LGALS12: variants seen among roughly 807,000 people sequenced by gnomAD.
LGALS12 encodes the protein galectin-12.
Under a neutral mutation model 36.8 loss-of-function variants are expected in LGALS12, and 36 were observed. The observed-to-expected ratio is 0.98, with a 90% CI of 0.75 to 1.29. The LOEUF (loss-of-function observed/expected upper bound fraction) is 1.29, where lower values mean the gene tolerates loss of function less well. Among genes scored for constraint, LGALS12 ranks in the 50% most tolerant of loss-of-function variants. The pLI is 0.00. For synonymous variants in LGALS12, 145 were observed against 155.9 expected, an observed-to-expected ratio of 0.93 and a Z score of 0.52; for missense variants, 366 against 394.3, an observed-to-expected ratio of 0.93 and a Z score of 0.61.
rs1590644403 is a variant in LGALS12 at position 63,508,959 on chromosome 11, A to G, written c.340A>G (p.Ile114Val). 1 of 1,614,148 alleles carries G rather than the reference A, an allele frequency of 6.2e-7. No individual in the cohort carries two copies. Among genetic ancestry groups the G allele is most frequent in the East Asian group, 2.2e-5 (1 of 44,888 alleles). ...CCTGCGAAGAGGCTCCAGCTTCCTC[A>G]TCCTCTTTCTCTTCGGGAATGAGGA... ...LALRRGSSFL[I>V]LFLFGNEEVK... is the part of the protein sequence containing the mutation. Residue 114 changes from isoleucine (I) to valine (V), a missense_variant, in exon 3 of 9, where the codon ATC (isoleucine) becomes GTC (valine). Physicochemically the swap from Ile to Val is conservative, Grantham distance 29 (BLOSUM62 3). Coordinates refer to ENST00000394618, the MANE Select transcript of LGALS12 (RefSeq NM_033101.4).
chr11:63,509,458 G>A (rs964816387), intron 3 of LGALS12, among the ~76,000 whole-genome samples: 6 of 152,158 alleles, frequency 3.9e-5, no homozygotes, highest in African/African-American at 9.7e-5. Flanking sequence ...GGCAGCTGGC[G>A]GGAGGGTAGC....
chr11:63,508,104 C>G, intron 1 of LGALS12: 1 of 1,023,224 alleles, frequency 9.8e-7, no homozygotes. Flanking sequence ...CTCCAGGGGT[C>G]CATTTCAGAG....
chr11:63,508,697 G>A (rs889465597), intron 2 of LGALS12, 56 bp downstream of exon 2: 10 of 1,613,358 alleles, frequency 6.2e-6, no homozygotes, highest in African/African-American at 5.3e-5. Context: ...GAGGCATCGA[G>A]CTGGAGGGCT....
chr11:63,511,144 C>A, intron 6 of LGALS12, 39 bp downstream of exon 6: 1 of 1,600,020 alleles, frequency 6.2e-7, no homozygotes, highest in South Asian at 1.1e-5. Context: ...GGGCTGGGGG[C>A]GCAGCCTGGG....
At chr11:63,509,318 C>A (rs2016845195) in intron 3 of LGALS12, among the ~76,000 whole-genome samples, 1 of 152,228 alleles carries the variant, frequency 6.6e-6, no homozygotes, top group Admixed American at 6.5e-5. Flanking sequence ...AGGTAGGTAC[C>A]TTCATTATCC....
rs1382294983 is a variant in LGALS12, at chr11:63,511,066, C to G, written c.532-13C>G. ...CCACATGGCCTTGTGTCCTCTCTTTCTTTCCCTGACAGCCTTTCCTGCTGA... is the reference window on the plus strand; with the variant it reads ...CCACATGGCCTTGTGTCCTCTCTTTGTTTCCCTGACAGCCTTTCCTGCTGA... On this transcript the variant is annotated splice_polypyrimidine_tract_variant and intron_variant, in intron 5 of 8. Transcript: ENST00000394618. 3 of 1,613,552 alleles carry G rather than the reference C, an allele frequency of 1.9e-6. No individual in the cohort carries two copies. The highest frequency in any genetic ancestry group is 2.5e-6 in the Non-Finnish European group (3 of 1,179,688).
At chr11:63,511,601 G>A in intron 6 of LGALS12, 151 bp from the exon 7 acceptor site, 1 of 625,548 alleles carries the variant, frequency 1.6e-6, no homozygotes, top group Non-Finnish European at 2.9e-6. Flanking sequence ...CAGAGTACAG[G>A]AGGCCAGGTG....
chr11:63,507,617 T>C (rs2016778520), intron 1 of LGALS12, among the ~76,000 whole-genome samples: 1 of 113,776 alleles, frequency 8.8e-6, no homozygotes, highest in South Asian at 3.0e-4. Context: ...GGAACCCAAG[T>C]GGATGATGCT....
rs186625481 is a variant in LGALS12 at position 63,507,964 on chromosome 11, C to T, written c.70-589C>T. The T allele has an allele frequency of 6.8e-4, 628 of 928,386 alleles. 3 individuals carry two copies. The African/African-American group carries it at 0.01, about 15-fold the overall frequency. The allele number at this position is 928,386 out of a possible 1,614,324, so 57.5% of individuals were successfully genotyped here. The stretch of plus-strand genomic sequence containing the variant: ...TGTTGGCCAAGCTGGTCTCGAACTC[C>T]TGACCTCAAGTTGATCCACCCGCCT... On this transcript the variant is annotated intron_variant, in intron 1 of 8. Transcript: ENST00000394618.
chr11:63,509,778 G>C lies in LGALS12; in HGVS notation c.373G>C (p.Val125Leu), dbSNP rs764199285. ...LFLFGNEEVKVSVNGQHFLHF... is the reference protein window; with the variant it reads ...LFLFGNEEVKLSVNGQHFLHF... Reference sequence around the variant, plus strand: ...AGCCAGCCTCTGTCTGTCTCTCCAGGTGAGTGTGAATGGACAGCACTTTCT... The same window carrying C: ...AGCCAGCCTCTGTCTGTCTCTCCAGCTGAGTGTGAATGGACAGCACTTTCT... Residue 125 changes from valine (V) to leucine (L), a missense_variant and splice_region_variant, in exon 4 of 9, where the codon GTG (valine) becomes CTG (leucine). Transcript: ENST00000394618. 6.2e-7 allele frequency: 1 copy of C among 1,614,102 alleles called. No individual in the cohort carries two copies. The highest frequency in any genetic ancestry group is 8.5e-7 in the Non-Finnish European group (1 of 1,179,960).
Position 63,516,352 on chromosome 11 carries a change from CG to C in LGALS12, c.906del (p.Ile303SerfsTer43). The C allele has an allele frequency of 6.2e-7, 1 of 1,613,862 alleles. No homozygotes were observed. The highest frequency in any genetic ancestry group is 8.5e-7 in the Non-Finnish European group (1 of 1,179,954). On this transcript the variant is annotated frameshift_variant, in exon 9 of 9. Transcript: ENST00000394618. LOFTEE classifies it high-confidence loss of function. ...QQALEQLREL[R>X]ISGSVQLYCV... ...GGCCCTGGAGCAGCTGCGGGAGCTC[CG>C]GATCAGTGGAAGTGTCCAGCTCTAC...
intron 6 of LGALS12, among the ~76,000 whole-genome samples, 171 bp downstream of exon 6, chr11:63,511,276 C>T (rs2016912440): frequency 6.6e-6 from 1 of 152,196 alleles, no homozygotes; most frequent in South Asian, 2.1e-4. Context: ...CGCATGATTT[C>T]CCCTTCCTTT....
chr11:63,515,448 C>G lies in LGALS12; in HGVS notation c.648-115C>G. 3.3e-6 allele frequency: 4 copies of G among 1,217,930 alleles called. No homozygotes were observed. In the East Asian group the frequency reaches 9.5e-5, roughly 29 times the overall value. The allele number at this position is 1,217,930 out of a possible 1,614,324, so 75.4% of individuals were successfully genotyped here. A position where few individuals can be genotyped will look rare whatever the true frequency, so the allele number is the denominator to read the frequency against. Reference sequence around the variant, plus strand: ...GGCCCTCAGTGCTTGTTTCTGGAGGCTGAAGCAGCTCAACCTTCCATCCAC... The same window carrying G: ...GGCCCTCAGTGCTTGTTTCTGGAGGGTGAAGCAGCTCAACCTTCCATCCAC... On this transcript the variant is annotated intron_variant, in intron 7 of 8. Transcript: ENST00000394618.
chr11:63,514,435 C>T (rs928737457), intron 7 of LGALS12, among the ~76,000 whole-genome samples: 11 of 152,010 alleles, frequency 7.2e-5, no homozygotes, highest in Non-Finnish European at 1.0e-4. Context: ...CTGGGCGGTG[C>T]GGGCATGCGC....
At chr11:63,512,941 AC>A (rs1437178776) in intron 7 of LGALS12, among the ~76,000 whole-genome samples, 1 of 151,480 alleles carries the variant, frequency 6.6e-6, no homozygotes, top group East Asian at 1.9e-4. Context: ...TAAGGAAAGC[AC>A]CCTATGTTCT....
rs147375938 is a variant in LGALS12, at chr11:63,515,612, A to C, written c.697A>C (p.Arg233=). The stretch of plus-strand genomic sequence containing the variant: ...GGCTGCCCATGCTCCTGTGACACTC[A>C]GGGCCTCCTTCGCAGACAGAACTCT... The part of the protein sequence containing the change: ...DQAAHAPVTL[R]ASFADRTLAW... Residue 233 remains arginine (R), a synonymous_variant, in exon 8 of 9, where the codon AGG becomes CGG. Transcript: ENST00000394618. 84 of 1,614,116 alleles carry C rather than the reference A, an allele frequency of 5.2e-5. No individual in the cohort carries two copies. The highest frequency in any genetic ancestry group is 6.9e-5 in the Non-Finnish European group (82 of 1,180,040).
chr11:63,506,660 G>A, intron 1 of LGALS12, 133 bp downstream of exon 1: 2 of 1,178,860 alleles, frequency 1.7e-6, no homozygotes, highest in East Asian at 2.3e-5. Context: ...CCTGGGTTCT[G>A]GAAGGCCCTC....
Position 63,516,359 on chromosome 11 carries a change from G to A in LGALS12, c.911G>A (p.Ser304Asn). ...GAGCAGCTGCGGGAGCTCCGGATCA[G>A]TGGAAGTGTCCAGCTCTACTGTGTC... The part of the protein sequence containing the change: ...ALEQLRELRI[S>N]GSVQLYCVHS Residue 304 changes from serine to asparagine, a missense_variant, in exon 9 of 9, where the codon AGT becomes AAT. Transcript: ENST00000394618. 6.2e-7 allele frequency: 1 copy of A among 1,613,992 alleles called. No homozygotes were observed. The highest frequency in any genetic ancestry group is 8.5e-7 in the Non-Finnish European group (1 of 1,180,008).
chr11:63,511,420 G>A (rs1289778340), intron 6 of LGALS12, among the ~76,000 whole-genome samples: 1 of 152,198 alleles, frequency 6.6e-6, no homozygotes, highest in Non-Finnish European at 1.5e-5. Flanking sequence ...CAGGCTCTAG[G>A]ATAGAGGAAC....
Sources: allele counts gnomAD v4.1 joint callset (sites outside exome capture counted in the v4.1 genomes callset), GRCh38; gene constraint gnomAD v4.1.1; transcripts MANE v1.5; gene names NCBI Gene and HGNC (gene_info 2026-07-23, HGNC 2026-07-21).